Variants in NTNG1 observed in about 807,000 individuals in gnomAD.
NTNG1 encodes netrin-G1.
A neutral mutation model predicts 54.0 loss-of-function variants in NTNG1; 16 were observed. The ratio of observed to expected loss-of-function variants is 0.30; its 90% CI spans 0.20 to 0.45. The LOEUF is 0.45. Among genes scored for constraint, NTNG1 ranks in the 20% least tolerant of loss-of-function variants. NTNG1 has a pLI of 1.00. For synonymous variants in NTNG1, 255 were observed against 263.1 expected (o/e 0.97, Z 0.30); for missense variants, 530 against 678.7 (o/e 0.78, Z 2.43).
intron 2 of NTNG1, among the ~76,000 whole-genome samples, chr1:107,222,198 C>T (rs943223705): frequency 6.6e-6 from 1 of 152,038 alleles, no homozygotes; most frequent in Non-Finnish European, 1.5e-5. Context: ...CTGGGGACTC[C>T]CATAGCACCC....
At chr1:107,329,424 G>A (rs1246397735) in intron 3 of NTNG1, among the ~76,000 whole-genome samples, 5 of 152,158 alleles carry the variant, frequency 3.3e-5, no homozygotes, top group African/African-American at 9.7e-5. Flanking sequence ...AGCTGACATC[G>A]TGTTCTTGAA....
At chr1:107,300,226 A>C (rs1369170461) in intron 2 of NTNG1, among the ~76,000 whole-genome samples, 1 of 152,200 alleles carries the variant, frequency 6.6e-6, no homozygotes, top group African/African-American at 2.4e-5. Context: ...GGCAGCTTGC[A>C]GTTTGAATTT....
chr1:107,241,800 A>T (rs1233852404), intron 2 of NTNG1, among the ~76,000 whole-genome samples: 1 of 152,186 alleles, frequency 6.6e-6, no homozygotes, highest in Non-Finnish European at 1.5e-5. Flanking sequence ...GGGCAAAAAA[A>T]GTCGGGAGGG....
At chr1:107,321,237 A>G (rs1055836552) in intron 2 of NTNG1, among the ~76,000 whole-genome samples, 1 of 152,102 alleles carries the variant, frequency 6.6e-6, no homozygotes, top group Non-Finnish European at 1.5e-5. Context: ...AAGGACTTGG[A>G]TTTGTTTATT....
intron 7 of NTNG1, among the ~76,000 whole-genome samples, chr1:107,458,471 C>G (rs139263617): frequency 7.6e-4 from 116 of 152,200 alleles, no homozygotes; most frequent in Non-Finnish European, 1.3e-3. Flanking sequence ...TAGGTAATTA[C>G]ATTGGCTATT....
At chr1:107,264,976 C>T (rs1663634953) in intron 2 of NTNG1, among the ~76,000 whole-genome samples, 1 of 152,224 alleles carries the variant, frequency 6.6e-6, no homozygotes, top group East Asian at 1.9e-4. Flanking sequence ...TGCTGTTGAG[C>T]ACCTTGGCTG....
chr1:107,455,619 C>T (rs1676907228), intron 7 of NTNG1: 1 of 497,662 alleles, frequency 2.0e-6, no homozygotes, highest in Non-Finnish European at 4.0e-6. Context: ...TACTCCACAG[C>T]TCTGTGGTGA....
At chr1:107,306,470 G>C (rs776253770) in intron 2 of NTNG1, among the ~76,000 whole-genome samples, 3 of 152,210 alleles carry the variant, frequency 2.0e-5, no homozygotes, top group Non-Finnish European at 4.4e-5. Context: ...GGAAGTGGAG[G>C]CCAGGCGTGG....
chr1:107,366,813 T>C (rs1160830620), intron 3 of NTNG1, among the ~76,000 whole-genome samples: 1 of 152,206 alleles, frequency 6.6e-6, no homozygotes, highest in African/African-American at 2.4e-5. Context: ...TTCTAAAATA[T>C]CCATTTCAAG....
intron 2 of NTNG1, among the ~76,000 whole-genome samples, chr1:107,151,234 A>C (rs1654547440): frequency 6.6e-6 from 1 of 152,196 alleles, no homozygotes; most frequent in African/African-American, 2.4e-5. Context: ...GTAATGGCCT[A>C]ATACAGCAAC....
intron 2 of NTNG1, among the ~76,000 whole-genome samples, chr1:107,272,105 T>C (rs1395298052): frequency 6.6e-6 from 1 of 152,124 alleles, no homozygotes; most frequent in African/African-American, 2.4e-5. Flanking sequence ...CTCCAACAAA[T>C]ATTTATCGAG....
At position 107,369,592 on chromosome 1, in the gene NTNG1, G is replaced by A. The variant is rs114921701; in HGVS notation, c.888-25562G>A. Among the ~76,000 whole-genome samples the A allele has an allele frequency of 4.4e-3, 673 of 152,152 alleles. 6 individuals carry two copies. Among genetic ancestry groups the A allele is most frequent in the African/African-American group, 0.016 (654 of 41,526 alleles). ...TTTTGCTCATTTTAAAAATTGGGCTGATTATTTTCCTATTATTGAGTTCAG... is the reference window on the plus strand; with the variant it reads ...TTTTGCTCATTTTAAAAATTGGGCTAATTATTTTCCTATTATTGAGTTCAG... On this transcript the variant is annotated intron_variant, in intron 3 of 7. Transcript: ENST00000370068.
chr1:107,361,981 G>A (rs1670328417), intron 3 of NTNG1, among the ~76,000 whole-genome samples: 1 of 152,118 alleles, frequency 6.6e-6, no homozygotes, highest in South Asian at 2.1e-4. Flanking sequence ...AAATATGGCA[G>A]AGACAACAAC....
chr1:107,378,831 G>A (rs1671468600), intron 3 of NTNG1, among the ~76,000 whole-genome samples: 1 of 152,128 alleles, frequency 6.6e-6, no homozygotes, highest in African/African-American at 2.4e-5. Flanking sequence ...CTTCCTGGCA[G>A]GGTCCTGACA....
At chr1:107,265,446 GAGTCAACTAAT>G (rs1193282033) in intron 2 of NTNG1, among the ~76,000 whole-genome samples, 1 of 152,166 alleles carries the variant, frequency 6.6e-6, no homozygotes, top group Non-Finnish European at 1.5e-5. Context: ...TGCTGAAAGG[GAGTCAACTAAT>G]AGTCAACTAA....
chr1:107,223,717 A>G (rs1660498831), intron 2 of NTNG1, among the ~76,000 whole-genome samples: 1 of 152,168 alleles, frequency 6.6e-6, no homozygotes, highest in African/African-American at 2.4e-5. Flanking sequence ...GAGCTGAAAG[A>G]AAAAAGGTAT....
intron 3 of NTNG1, among the ~76,000 whole-genome samples, chr1:107,386,349 T>C (rs1393458490): frequency 6.6e-6 from 1 of 151,666 alleles, no homozygotes; most frequent in East Asian, 1.9e-4. Context: ...TTTTTTTGTA[T>C]TTTTAGTAGA....
chr1:107,461,543 T>C (rs1182739470), intron 7 of NTNG1, among the ~76,000 whole-genome samples: 1 of 148,838 alleles, frequency 6.7e-6, no homozygotes, highest in African/African-American at 2.5e-5. Context: ...TTTTTTTTTC[T>C]TTTTTTTTTC....
chr1:107,477,432 C>T (rs1458364389), intron 7 of NTNG1, among the ~76,000 whole-genome samples: 2 of 152,210 alleles, frequency 1.3e-5, no homozygotes, highest in African/African-American at 2.4e-5. Flanking sequence ...CCCTCTAGTG[C>T]CCCCTGTTGG....
Sources: gnomAD v4.1 joint callset for allele counts (sites outside exome capture counted in the v4.1 genomes callset) on GRCh38, gnomAD v4.1.1 for gene constraint, MANE v1.5 for transcripts, NCBI Gene and HGNC (gene_info 2026-07-23, HGNC 2026-07-21) for gene names.